FSTL1: variants seen among roughly 807,000 people sequenced by gnomAD.
FSTL1 encodes the protein follistatin-related protein 1.
FSTL1 carries 24 observed loss-of-function variants against 45.9 expected under a neutral mutation model. The ratio of observed to expected loss-of-function variants is 0.52; its 90% confidence interval spans 0.38 to 0.74. The LOEUF (loss-of-function observed/expected upper bound fraction) is 0.74. FSTL1 is among the 30% of genes least tolerant of loss of function. FSTL1 has a pLI of 0.00. For missense variants in FSTL1, 340 were observed against 381.8 expected (o/e 0.89, Z 0.91); for synonymous variants, 120 against 137.6 (o/e 0.87, Z 0.89).
In FSTL1 at chr3:120,409,737, G is replaced by A. The variant is rs1937015650; in HGVS notation, c.332-75C>T. 3 of 1,424,922 alleles carry A rather than the reference G, an allele frequency of 2.1e-6. No individual in the cohort carries two copies. The East Asian group carries it at 6.9e-5, about 33-fold the overall frequency. The allele number at this position is 1,424,922 out of a possible 1,614,324, so 88.3% of individuals were successfully genotyped here. ...GTGATATCTGGCACCCACTGTGTGG[G>A]AGCATCCGTGCCCATGGTTCTGCAT... On this transcript the variant is annotated intron_variant, in intron 5 of 10. Coordinates refer to ENST00000295633, the MANE Select transcript of FSTL1 (RefSeq NM_007085.5).
chr3:120,439,933 G>A (rs955514283), intron 2 of FSTL1, among the ~76,000 whole-genome samples: 8 of 152,150 alleles, frequency 5.3e-5, no homozygotes, highest in African/African-American at 1.7e-4. Context: ...GGGCAACAAG[G>A]TGAAACCCTG....
chr3:120,407,725 T>C (rs1377327350), intron 6 of FSTL1, among the ~76,000 whole-genome samples: 1 of 152,206 alleles, frequency 6.6e-6, no homozygotes, highest in Non-Finnish European at 1.5e-5. Context: ...CATCAAAAAG[T>C]AGAAAATGAA....
intron 2 of FSTL1, among the ~76,000 whole-genome samples, chr3:120,445,617 A>G (rs1937721987): frequency 6.7e-6 from 1 of 149,728 alleles, no homozygotes; most frequent in African/African-American, 2.6e-5. Flanking sequence ...TATACATGGA[A>G]GATTTGTGCA....
Position 120,441,709 on chromosome 3 carries a change from C to T in FSTL1, c.63+8975G>A, listed in dbSNP as rs116127303. On this transcript the variant is annotated intron_variant, in intron 2 of 10. Coordinates refer to ENST00000295633, the MANE Select transcript of FSTL1 (RefSeq NM_007085.5). The stretch of plus-strand genomic sequence containing the variant: ...ACACGCACCCATGGCTTTTGGAGTT[C>T]GTCCCCTAGAGATGCCCTGAAGATG... Among the ~76,000 whole-genome samples the T allele has an allele frequency of 4.6e-3, 707 of 152,324 alleles. 10 individuals are homozygous for T. Among genetic ancestry groups the T allele is most frequent in the African/African-American group, 0.015 (644 of 41,570 alleles).
intron 2 of FSTL1, among the ~76,000 whole-genome samples, chr3:120,437,857 CCTCTGTTTCCTTA>C (rs1178525598): frequency 6.6e-6 from 1 of 152,170 alleles, no homozygotes; most frequent in Admixed American, 6.5e-5. Flanking sequence ...TCTGCATTGG[CCTCTGTTTCCTTA>C]CTGTGTTCAC....
chr3:120,392,883 C>A lies in FSTL1; in HGVS notation c.*4069G>T, dbSNP rs1001142588. 5.3e-5 allele frequency: 8 copies of A among 151,940 alleles called. No individual in the cohort carries two copies. Among genetic ancestry groups the A allele is most frequent in the African/African-American group, 1.7e-4 (7 of 41,232 alleles). The allele number at this position is 151,940 out of a possible 1,614,324, so 9.4% of individuals were successfully genotyped here. ...GACTGATGATAACTTGATAAAGAAG[C>A]TCTAAAATAAAGCTGATCAAAGTAA... On this transcript the variant is annotated 3_prime_UTR_variant, in exon 11 of 11. Coordinates refer to ENST00000295633, the MANE Select transcript of FSTL1 (RefSeq NM_007085.5).
chr3:120,429,091 C>CA (rs1173525574), intron 2 of FSTL1, among the ~76,000 whole-genome samples: 1 of 152,242 alleles, frequency 6.6e-6, no homozygotes, highest in African/African-American at 2.4e-5. Context: ...GCTTGGGCTT[C>CA]ATGGCTGGCT....
In FSTL1 at chr3:120,411,972, A is replaced by G. The variant is rs1559736656; in HGVS notation, c.180T>C (p.Pro60=). The change falls in exon 4 of 11, where the codon CCT becomes CCC. Residue 60 remains proline, a synonymous_variant. Transcript: ENST00000295633. ...TACTGCCACACACAGGCCTCTTGTG[A>G]GGTTTGCATTGCTGAAACAGACCCA... ...PTCLCIEQCK[P]HKRPVCGSNG... The G allele has an allele frequency of 3.7e-6, 6 of 1,611,762 alleles. No individual in the cohort carries two copies. The highest frequency in any genetic ancestry group is 5.1e-6 in the Non-Finnish European group (6 of 1,178,314).
intron 2 of FSTL1, among the ~76,000 whole-genome samples, chr3:120,443,091 A>G (rs1047768699): frequency 6.7e-6 from 1 of 148,322 alleles, no homozygotes; most frequent in Non-Finnish European, 1.5e-5. Context: ...CTTAAAGTAT[A>G]ATAATAATAA....
At position 120,403,114 on chromosome 3, in the gene FSTL1, G is replaced by A. The variant is rs1299194574; in HGVS notation, c.694+128C>T. 4.2e-6 allele frequency: 3 copies of A among 718,194 alleles called. No individual in the cohort carries two copies. In the African/African-American group the frequency reaches 5.2e-5, roughly 13 times the overall value. The allele number at this position is 718,194 out of a possible 1,614,324, so 44.5% of individuals were successfully genotyped here. On this transcript the variant is annotated intron_variant, in intron 8 of 10. Coordinates refer to ENST00000295633, the MANE Select transcript of FSTL1 (RefSeq NM_007085.5). The stretch of plus-strand genomic sequence containing the variant: ...TTCACCATGGGGAGAATGGGCTGGG[G>A]CCCAGTTTAGAATCATGGAAGGGGA...
chr3:120,448,392 C>T (rs1396193008), intron 2 of FSTL1, among the ~76,000 whole-genome samples: 1 of 152,126 alleles, frequency 6.6e-6, no homozygotes. Context: ...TTTAAAAAAT[C>T]CAAATTACAA....
intron 2 of FSTL1, among the ~76,000 whole-genome samples, chr3:120,445,921 C>T (rs1937729233): frequency 2.0e-5 from 3 of 149,958 alleles, no homozygotes; most frequent in Non-Finnish European, 4.4e-5. Context: ...ATGGCATACT[C>T]TCAGAGAAAG....
At chr3:120,402,066 C>T (rs1936837405) in intron 9 of FSTL1, among the ~76,000 whole-genome samples, 1 of 152,084 alleles carries the variant, frequency 6.6e-6, no homozygotes, top group African/African-American at 2.4e-5. Flanking sequence ...AGCCCAGGAC[C>T]CAGATGGGAC....
intron 2 of FSTL1, 46 bp downstream of exon 2, chr3:120,450,638 A>C (rs1334226352): frequency 7.3e-7 from 1 of 1,362,362 alleles, no homozygotes; most frequent in Admixed American, 2.4e-5. Context: ...GCGCAGACCC[A>C]AGAGGCCCCG....
intron 2 of FSTL1, among the ~76,000 whole-genome samples, chr3:120,427,759 CCA>C (rs1937406601): frequency 6.6e-6 from 1 of 152,028 alleles, no homozygotes. Flanking sequence ...TTTCCTTTGT[CCA>C]CAGTTTAAAT....
At chr3:120,417,667 ACAATGTAAGG>A (rs1437949978) in intron 2 of FSTL1, among the ~76,000 whole-genome samples, 2 of 152,188 alleles carry the variant, frequency 1.3e-5, no homozygotes, top group Admixed American at 6.5e-5. Context: ...ACTGTGCCTG[ACAATGTAAGG>A]CAACACGAAA....
At chr3:120,407,730 A>G (rs1936974574) in intron 6 of FSTL1, among the ~76,000 whole-genome samples, 1 of 152,196 alleles carries the variant, frequency 6.6e-6, no homozygotes, top group South Asian at 2.1e-4. Context: ...AAAAGTAGAA[A>G]ATGAAACCTG....
intron 2 of FSTL1, among the ~76,000 whole-genome samples, chr3:120,431,003 A>C (rs1937467046): frequency 6.6e-6 from 1 of 152,196 alleles, no homozygotes; most frequent in Admixed American, 6.5e-5. Flanking sequence ...ACGAAGTCTC[A>C]ATCTATTGCC....
intron 2 of FSTL1, among the ~76,000 whole-genome samples, chr3:120,416,646 CAT>C (rs1937191531): frequency 2.0e-5 from 3 of 152,182 alleles, no homozygotes; most frequent in Admixed American, 6.5e-5. Context: ...TAGGCATTAT[CAT>C]CTCAAAGGGC....
Sources: gnomAD v4.1 joint callset for allele counts (sites outside exome capture counted in the v4.1 genomes callset) on GRCh38, gnomAD v4.1.1 for gene constraint, MANE v1.5 for transcripts, NCBI Gene and HGNC (gene_info 2026-07-23, HGNC 2026-07-21) for gene names.